Variants in LINGO2 observed in about 807,000 individuals in gnomAD.
LINGO2 encodes the protein leucine rich repeat and Ig domain containing 2.
LINGO2 carries 14 observed loss-of-function variants against 30.6 expected under a neutral mutation model. The observed-to-expected ratio is 0.46, with a 90% CI of 0.30 to 0.72. The LOEUF is 0.72. Among genes scored for constraint, LINGO2 ranks in the 30% least tolerant of loss-of-function variants. The pLI, the probability that LINGO2 is intolerant of heterozygous loss-of-function variation, is 0.07. For missense variants in LINGO2, 729 were observed against 751.7 expected, an observed-to-expected ratio of 0.97 and a Z score of 0.35; for synonymous variants, 317 against 288.5, an observed-to-expected ratio of 1.10 and a Z score of -1.00.
Position 28,015,629 on chromosome 9 carries a change from A to C in LINGO2, c.-86-3224T>G, listed in dbSNP as rs117197575. Among the ~76,000 whole-genome samples the C allele has an allele frequency of 3.7e-4, 57 of 152,274 alleles. No individual in the cohort carries two copies. In the East Asian group the frequency reaches 9.8e-3, roughly 26 times the overall value. On this transcript the variant is annotated intron_variant, in intron 4 of 5. Transcript: ENST00000379992. ...AGGAACACAGGTTTTGGAAAGAATC[A>C]CAACTAATGTCCCTGAAAGGGTAAT...
chr9:28,612,161 G>A (rs1019297239), intron 1 of LINGO2, among the ~76,000 whole-genome samples: 29 of 152,212 alleles, frequency 1.9e-4, no homozygotes, highest in African/African-American at 7.0e-4. Context: ...TCCCAGGTTT[G>A]AGCCATCCTT....
intron 4 of LINGO2, among the ~76,000 whole-genome samples, chr9:28,180,105 T>C (rs1828870533): frequency 6.6e-6 from 1 of 152,142 alleles, no homozygotes; most frequent in Non-Finnish European, 1.5e-5. Context: ...AGCTGTCTTT[T>C]GTGCTTCAGT....
chr9:28,328,273 T>G (rs1459663952), intron 3 of LINGO2, among the ~76,000 whole-genome samples: 1 of 152,088 alleles, frequency 6.6e-6, no homozygotes, highest in East Asian at 1.9e-4. Context: ...ATATTAACAA[T>G]AAGGTATCCA....
chr9:28,476,576 A>T (rs937709699), intron 1 of LINGO2, among the ~76,000 whole-genome samples: 3 of 152,152 alleles, frequency 2.0e-5, no homozygotes, highest in Non-Finnish European at 2.9e-5. Context: ...CGCCCGGCCT[A>T]TTTTCTTGTT....
At chr9:28,459,159 T>C (rs1471516259) in intron 2 of LINGO2, among the ~76,000 whole-genome samples, 1 of 151,992 alleles carries the variant, frequency 6.6e-6, no homozygotes, top group East Asian at 1.9e-4. Context: ...ATGAAAATAA[T>C]GATATTAGTA....
At chr9:29,120,106 TC>T in the LINGO2 span, among the ~76,000 whole-genome samples, 1 of 152,114 alleles carries the variant, frequency 6.6e-6, no homozygotes, top group Non-Finnish European at 1.5e-5. Flanking sequence ...GCTGTTATAC[TC>T]ATGTATTTTG....
the LINGO2 span, among the ~76,000 whole-genome samples, chr9:29,180,602 T>C: frequency 6.6e-6 from 1 of 152,162 alleles, no homozygotes; most frequent in Non-Finnish European, 1.5e-5. Context: ...TCTAGGTTTC[T>C]CCCCCTATAT....
chr9:28,435,488 G>A (rs190836454), intron 2 of LINGO2, among the ~76,000 whole-genome samples: 2 of 152,116 alleles, frequency 1.3e-5, no homozygotes, highest in African/African-American at 2.4e-5. Flanking sequence ...GCTCACAAAC[G>A]TTCTAATGAT....
In LINGO2 at chr9:28,130,974, T is replaced by G. The variant is rs1827362867; in HGVS notation, c.-86-118569A>C. On this transcript the variant is annotated intron_variant, in intron 4 of 5. Coordinates refer to ENST00000379992, the Ensembl canonical transcript of LINGO2. The surrounding 1 kb of genome is among the most constrained non-coding windows in gnomAD (Gnocchi z 5.2). ...TGGAAAACTTTGGATTTCCCAACAATGTATACGCCTTCCCATCTCTGCCTT... is the reference window on the plus strand; with the variant it reads ...TGGAAAACTTTGGATTTCCCAACAAGGTATACGCCTTCCCATCTCTGCCTT... Among the ~76,000 whole-genome samples, 1 of 152,126 alleles carries G rather than the reference T, an allele frequency of 6.6e-6. No homozygotes were observed. The highest frequency in any genetic ancestry group is 1.5e-5 in the Non-Finnish European group (1 of 67,996).
the LINGO2 span, among the ~76,000 whole-genome samples, chr9:28,779,698 T>G: frequency 6.6e-6 from 1 of 152,136 alleles, no homozygotes; most frequent in African/African-American, 2.4e-5. Context: ...AGGCCACAGT[T>G]TTTTTCTGAT....
At chr9:28,392,942 C>T (rs1380474240) in intron 2 of LINGO2, among the ~76,000 whole-genome samples, 3 of 152,134 alleles carry the variant, frequency 2.0e-5, no homozygotes, top group African/African-American at 7.2e-5. Context: ...ACACTATCCC[C>T]AAGGGTAAGG....
chr9:28,775,095 A>C, the LINGO2 span, among the ~76,000 whole-genome samples: 1 of 152,290 alleles, frequency 6.6e-6, no homozygotes, highest in East Asian at 1.9e-4. Flanking sequence ...GATGCTGCCA[A>C]AGTGAGCATA....
intron 1 of LINGO2, among the ~76,000 whole-genome samples, chr9:28,583,104 T>C (rs999346769): frequency 1.3e-5 from 2 of 152,018 alleles, no homozygotes; most frequent in African/African-American, 4.8e-5. Flanking sequence ...GCTGAAAAGA[T>C]GAAATAGCAC....
chr9:28,052,279 G>A lies in LINGO2; in HGVS notation c.-86-39874C>T, dbSNP rs533600090. ...GAGAGTCACTTCATGAAAACTAGCCGTGAGAATGGCAATTTAAAGTGCTAA... is the reference window on the plus strand; with the variant it reads ...GAGAGTCACTTCATGAAAACTAGCCATGAGAATGGCAATTTAAAGTGCTAA... On this transcript the variant is annotated intron_variant, in intron 4 of 5. Transcript: ENST00000379992. Among the ~76,000 whole-genome samples the A allele has an allele frequency of 2.5e-4, 38 of 152,198 alleles. No individual in the cohort carries two copies. The South Asian group carries it at 3.5e-3, about 14-fold the overall frequency.
chr9:28,118,886 T>C (rs1401262871), intron 4 of LINGO2, among the ~76,000 whole-genome samples: 2 of 151,742 alleles, frequency 1.3e-5, no homozygotes, highest in African/African-American at 2.4e-5. Flanking sequence ...AGTCTGTGGG[T>C]TTAATAGCAA....
At chr9:28,448,563 C>A (rs927688729) in intron 2 of LINGO2, among the ~76,000 whole-genome samples, 1 of 151,948 alleles carries the variant, frequency 6.6e-6, no homozygotes, top group Non-Finnish European at 1.5e-5. Context: ...TCTTGATACC[C>A]AAGAACATAC....
At chr9:28,359,703 C>T (rs1420292814) in intron 3 of LINGO2, among the ~76,000 whole-genome samples, 1 of 152,154 alleles carries the variant, frequency 6.6e-6, no homozygotes. Flanking sequence ...AAACAAAAGA[C>T]ACAGTTACAT....
the LINGO2 span, among the ~76,000 whole-genome samples, chr9:28,982,714 T>C: frequency 6.6e-6 from 1 of 152,012 alleles, no homozygotes; most frequent in Non-Finnish European, 1.5e-5. Flanking sequence ...AAGAATTGCA[T>C]GTAGTAGTCA....
intron 5 of LINGO2, among the ~76,000 whole-genome samples, chr9:27,994,141 C>A (rs1289788353): frequency 6.6e-6 from 1 of 151,880 alleles, no homozygotes; most frequent in African/African-American, 2.4e-5. Flanking sequence ...CTATAGGATA[C>A]AGCAAAAGTA....
Sources: allele counts gnomAD v4.1 joint callset (sites outside exome capture counted in the v4.1 genomes callset), GRCh38; gene constraint gnomAD v4.1.1; non-coding constraint Gnocchi (gnomAD v3.1); transcripts MANE v1.5; gene names NCBI Gene and HGNC (gene_info 2026-07-23, HGNC 2026-07-21).